MAN1A1: variants seen among roughly 807,000 people sequenced by gnomAD.
MAN1A1 encodes the protein mannosidase alpha class 1A member 1.
In MAN1A1, 29 loss-of-function variants were observed where a neutral mutation model predicts 70.8. That is an observed-to-expected ratio of 0.41 (90% CI 0.31 to 0.56). The LOEUF (loss-of-function observed/expected upper bound fraction) is 0.56. Among genes scored for constraint, MAN1A1 ranks in the 20% least tolerant of loss-of-function variants. MAN1A1 has a pLI of 0.29. For synonymous variants in MAN1A1, 349 were observed against 330.1 expected, an observed-to-expected ratio of 1.06 and a Z score of -0.62; for missense variants, 747 against 841.3, an observed-to-expected ratio of 0.89 and a Z score of 1.39.
At chr6:119,294,061 G>T (rs1230400280) in intron 4 of MAN1A1, among the ~76,000 whole-genome samples, 8 of 151,992 alleles carry the variant, frequency 5.3e-5, no homozygotes, top group Non-Finnish European at 8.8e-5. Context: ...CCTTCCCAGG[G>T]TCACTGGAAA....
At chr6:119,295,549 CA>C (rs1327236598) in intron 4 of MAN1A1, among the ~76,000 whole-genome samples, 38 of 152,222 alleles carry the variant, frequency 2.5e-4, no homozygotes, top group African/African-American at 8.9e-4. Flanking sequence ...TTCCATACAG[CA>C]TGACAGATCT....
intron 2 of MAN1A1, among the ~76,000 whole-genome samples, chr6:119,311,813 C>A (rs1435254220): frequency 6.6e-6 from 1 of 152,124 alleles, no homozygotes; most frequent in Non-Finnish European, 1.5e-5. Context: ...AGCTCGGTGT[C>A]TTAAAACCAC....
At chr6:119,228,338 T>A (rs1227785939) in intron 6 of MAN1A1, among the ~76,000 whole-genome samples, 1 of 152,224 alleles carries the variant, frequency 6.6e-6, no homozygotes, top group Non-Finnish European at 1.5e-5. Flanking sequence ...GTAACACAAA[T>A]GATCATAATG....
intron 5 of MAN1A1, among the ~76,000 whole-genome samples, chr6:119,259,749 A>G (rs1350259230): frequency 6.6e-6 from 1 of 152,216 alleles, no homozygotes; most frequent in Non-Finnish European, 1.5e-5. Context: ...CAAGTTAATT[A>G]AACTCTTAGT....
intron 6 of MAN1A1, among the ~76,000 whole-genome samples, chr6:119,225,687 T>C (rs140439167): frequency 0.027 from 4,071 of 152,306 alleles, 79 homozygotes; most frequent in South Asian, 0.071. Context: ...ACAAGATTAA[T>C]GGCTGACTTC....
chr6:119,232,149 G>C (rs1459864882), intron 6 of MAN1A1, among the ~76,000 whole-genome samples: 2 of 152,066 alleles, frequency 1.3e-5, no homozygotes, highest in Non-Finnish European at 2.9e-5. Context: ...GAGGCAGGCG[G>C]ATCACGAGGT....
At chr6:119,241,930 ATG>A (rs1172587097) in intron 6 of MAN1A1, among the ~76,000 whole-genome samples, 19 of 137,486 alleles carry the variant, frequency 1.4e-4, no homozygotes, top group East Asian at 2.1e-4. Context: ...GTGTTTGTGT[ATG>A]TGTGTGTGTG....
chr6:119,189,726 T>C lies in MAN1A1; in HGVS notation c.1484A>G (p.Gln495Arg). Residue 495 changes from glutamine to arginine, a missense_variant, in exon 10 of 13, where the codon CAA becomes CGA. Coordinates refer to ENST00000368468, the MANE Select transcript of MAN1A1 (RefSeq NM_005907.4). The stretch of plus-strand genomic sequence containing the variant: ...TTCAGCCCCGAGTTCAAGGTAGTGT[T>C]GGGCCATGCCTTCGGGAGCTGCATC... ...GADAAPEGMA[Q>R]HYLELGAEIA... The C allele has an allele frequency of 6.2e-7, 1 of 1,614,092 alleles. No homozygotes were observed. Among genetic ancestry groups the C allele is most frequent in the Non-Finnish European group, 8.5e-7 (1 of 1,180,014 alleles).
chr6:119,202,296 A>C (rs1347920320), intron 7 of MAN1A1, among the ~76,000 whole-genome samples: 1 of 152,122 alleles, frequency 6.6e-6, no homozygotes, highest in Admixed American at 6.6e-5. Flanking sequence ...TAAGACACAT[A>C]TACACATTAG....
At chr6:119,250,452 T>C (rs1775285484) in intron 5 of MAN1A1, among the ~76,000 whole-genome samples, 1 of 152,184 alleles carries the variant, frequency 6.6e-6, no homozygotes, top group South Asian at 2.1e-4. Flanking sequence ...AACAACAGCA[T>C]TTACTTTTTT....
intron 6 of MAN1A1, among the ~76,000 whole-genome samples, chr6:119,209,783 A>G (rs952866414): frequency 2.6e-5 from 4 of 152,186 alleles, no homozygotes; most frequent in Non-Finnish European, 5.9e-5. Context: ...TAACAATTCC[A>G]GGGGACTGGC....
chr6:119,269,220 A>G (rs1775844876), intron 5 of MAN1A1: 1 of 254,716 alleles, frequency 3.9e-6, no homozygotes, highest in South Asian at 3.6e-5. Context: ...TAGCCTCATA[A>G]GCTGCTTTTC....
At chr6:119,222,732 A>C (rs1341752261) in intron 6 of MAN1A1, among the ~76,000 whole-genome samples, 1 of 152,222 alleles carries the variant, frequency 6.6e-6, no homozygotes, top group African/African-American at 2.4e-5. Flanking sequence ...TACAGTTTGA[A>C]AAATGCACAA....
chr6:119,284,065 T>C (rs1158683432), intron 5 of MAN1A1, among the ~76,000 whole-genome samples: 1 of 152,134 alleles, frequency 6.6e-6, no homozygotes, highest in East Asian at 1.9e-4. Context: ...AGTTTTCCAG[T>C]TTTGGTTTAT....
intron 6 of MAN1A1, among the ~76,000 whole-genome samples, chr6:119,211,736 C>T (rs1774056685): frequency 6.6e-6 from 1 of 151,892 alleles, no homozygotes; most frequent in African/African-American, 2.4e-5. Flanking sequence ...CTTATGAAGG[C>T]TTAAATTTTA....
chr6:119,295,778 G>A (rs1003373533), intron 4 of MAN1A1, among the ~76,000 whole-genome samples: 2 of 152,070 alleles, frequency 1.3e-5, no homozygotes, highest in Admixed American at 6.6e-5. Context: ...TTATGAGCCT[G>A]GGGTACGGGA....
intron 2 of MAN1A1, among the ~76,000 whole-genome samples, chr6:119,346,898 T>C (rs972413472): frequency 2.0e-5 from 3 of 152,160 alleles, no homozygotes; most frequent in African/African-American, 7.2e-5. Context: ...ATGGTTTTGG[T>C]TGGATATTAT....
At chr6:119,348,006 C>T (rs953446493) in intron 2 of MAN1A1, among the ~76,000 whole-genome samples, 11 of 152,208 alleles carry the variant, frequency 7.2e-5, no homozygotes. Context: ...CAGAATGCCA[C>T]CTGGCAGACA....
intron 5 of MAN1A1, among the ~76,000 whole-genome samples, chr6:119,263,178 T>A (rs1332592478): frequency 7.9e-5 from 12 of 152,108 alleles, no homozygotes; most frequent in Admixed American, 7.9e-4. Context: ...GTAAGTTTTA[T>A]ATGTAAAAGG....
Sources: allele counts gnomAD v4.1 joint callset (sites outside exome capture counted in the v4.1 genomes callset), GRCh38; gene constraint gnomAD v4.1.1; transcripts MANE v1.5; gene names NCBI Gene and HGNC (gene_info 2026-07-23, HGNC 2026-07-21).